CCDC88A: variants seen among roughly 807,000 people sequenced by gnomAD.
CCDC88A encodes the protein coiled-coil and HOOK domain protein 88A.
In CCDC88A, 54 loss-of-function variants were observed where a neutral mutation model predicts 234.3. The observed-to-expected ratio is 0.23, with a 90% CI of 0.19 to 0.29. The LOEUF is 0.29. Among genes scored for constraint, CCDC88A ranks in the 10% least tolerant of loss-of-function variants. The pLI is 1.00. For missense variants in CCDC88A, 1,832 were observed against 2,123.4 expected, an observed-to-expected ratio of 0.86 and a Z score of 2.70; for synonymous variants, 753 against 737.8, an observed-to-expected ratio of 1.02 and a Z score of -0.33.
intron 32 of CCDC88A, chr2:55,291,468 T>TA (rs1033731397): frequency 6.8e-4 from 230 of 339,078 alleles, no homozygotes; most frequent in African/African-American, 8.7e-4. Flanking sequence ...CAAAAAAACT[T>TA]AAAAAAAAAT....
chr2:55,358,714 T>C (rs6739731), intron 7 of CCDC88A, among the ~76,000 whole-genome samples: 5,258 of 152,202 alleles, frequency 0.035, 274 homozygotes, highest in African/African-American at 0.12. Flanking sequence ...CATTTCCATT[T>C]CTTTCTTCTT....
intron 12 of CCDC88A, among the ~76,000 whole-genome samples, chr2:55,342,543 G>C (rs1476232540): frequency 1.3e-5 from 2 of 152,100 alleles, no homozygotes; most frequent in Non-Finnish European, 1.5e-5. Flanking sequence ...ACCTTTAGTA[G>C]AAAACACTTA....
chr2:55,343,046 T>G (rs1187614092), intron 12 of CCDC88A, among the ~76,000 whole-genome samples: 1 of 152,098 alleles, frequency 6.6e-6, no homozygotes, highest in Non-Finnish European at 1.5e-5. Flanking sequence ...CATGCCCAGC[T>G]TTAAGAAAGA....
In CCDC88A at chr2:55,376,209, T is replaced by C. The variant is rs550558373; in HGVS notation, c.274-1326A>G. ...GATATGCAAAGGGTCTGGGATGAAT[T>C]AGACTACAGGATGGATGGGTGCCAT... On this transcript the variant is annotated intron_variant, in intron 3 of 32. Coordinates refer to ENST00000436346, the MANE Select transcript of CCDC88A (RefSeq NM_001365480.1). Among the ~76,000 whole-genome samples, 5 of 152,326 alleles carry C rather than the reference T, an allele frequency of 3.3e-5. No individual in the cohort carries two copies. The South Asian group carries it at 8.3e-4, about 25-fold the overall frequency.
chr2:55,306,872 G>C (rs771000269), intron 25 of CCDC88A, among the ~76,000 whole-genome samples: 1 of 152,128 alleles, frequency 6.6e-6, no homozygotes, highest in Non-Finnish European at 1.5e-5. Context: ...CACCGCGCCT[G>C]GCCTATAGCC....
In CCDC88A at chr2:55,334,350, G is replaced by T. The variant is rs1312345912; in HGVS notation, c.2471C>A (p.Thr824Asn). The change falls in exon 15 of 33, where the codon ACT becomes AAT. Residue 824 changes from threonine to asparagine, a missense_variant. This residue lies in a region of CCDC88A where 1,282 missense variants were observed against 1,543.6 expected (regional missense o/e 0.83). Coordinates refer to ENST00000436346, the MANE Select transcript of CCDC88A (RefSeq NM_001365480.1). This position sits in a 1 kb window ranked among gnomAD's most constrained non-coding sequence, Gnocchi z 6.1. ...EKENKSLEQETSQLEKDKKQL... is the reference protein window; with the variant it reads ...EKENKSLEQENSQLEKDKKQL... ...TTTCTTATCCTTTTCCAGTTGAGAA[G>T]TCTCTTGCTCTAATGATTTATTTTC... 6.5e-7 allele frequency: 1 copy of T among 1,529,120 alleles called. No homozygotes were observed. The highest frequency in any genetic ancestry group is 8.7e-7 in the Non-Finnish European group (1 of 1,146,754). 94.7% of individuals were successfully genotyped at this position (1,529,120 alleles called of 1,614,324 possible).
chr2:55,344,400 G>GT lies in CCDC88A; in HGVS notation c.1155dup (p.Gln386ThrfsTer5). The GT allele has an allele frequency of 6.3e-7, 1 of 1,593,610 alleles. No homozygotes were observed. The highest frequency in any genetic ancestry group is 8.6e-7 in the Non-Finnish European group (1 of 1,168,408). On this transcript the variant is annotated frameshift_variant, in exon 11 of 33. Transcript: ENST00000436346. LOFTEE classifies it high-confidence loss of function. ...ATATCATGAAGTTTAGCTTTCAGTT[G>GT]TAAGTTCTCTTTTTCTAATTCATGT... is the stretch of plus-strand genomic sequence containing the variant.
chr2:55,416,443 AATATATATATATAT>A (rs60840841), intron 2 of CCDC88A, among the ~76,000 whole-genome samples: 4 of 15,840 alleles, frequency 2.5e-4, no homozygotes, highest in East Asian at 2.7e-3. Context: ...TAAATAAATA[AATATATATATATAT>A]ATATATATAT....
At chr2:55,375,401 T>C (rs1673465865) in intron 3 of CCDC88A, among the ~76,000 whole-genome samples, 1 of 150,400 alleles carries the variant, frequency 6.6e-6, no homozygotes, top group African/African-American at 2.4e-5. Context: ...ATGTGTGCTC[T>C]TTTTCTTCTT....
At chr2:55,323,432 C>T (rs1024548358) in intron 17 of CCDC88A, 1 of 152,006 alleles carries the variant, frequency 6.6e-6, no homozygotes, top group African/African-American at 2.4e-5. Context: ...ATATTGCTAC[C>T]AATGAGTTAG....
intron 17 of CCDC88A, 72 bp from the exon 18 acceptor site, chr2:55,322,764 G>T: frequency 1.3e-6 from 1 of 771,896 alleles, no homozygotes; most frequent in Non-Finnish European, 2.0e-6. Flanking sequence ...CAATTAATTT[G>T]ACTCTGGGCT....
chr2:55,372,293 C>A (rs1302659805), intron 5 of CCDC88A, among the ~76,000 whole-genome samples, 159 bp downstream of exon 5: 1 of 151,846 alleles, frequency 6.6e-6, no homozygotes, highest in Non-Finnish European at 1.5e-5. Context: ...TGGTTTTTTT[C>A]AATGTAATCT....
chr2:55,349,819 G>A, intron 8 of CCDC88A: 1 of 431,108 alleles, frequency 2.3e-6, no homozygotes, highest in South Asian at 4.6e-5. Flanking sequence ...AAAGGCTAAT[G>A]TTCTCATAGT....
At position 55,328,240 on chromosome 2, in the gene CCDC88A, C is replaced by G; in HGVS notation, c.2997+54G>C. 7.9e-7 allele frequency: 1 copy of G among 1,265,364 alleles called. No individual in the cohort carries two copies. The highest frequency in any genetic ancestry group is 1.1e-6 in the Non-Finnish European group (1 of 923,334). 78.4% of individuals were successfully genotyped at this position (1,265,364 alleles called of 1,614,324 possible). ...ATTTTCTACTTTATATTTTTCTGTC[C>G]AAATATTTATATAATAAATGATCCT... On this transcript the variant is annotated intron_variant, in intron 17 of 32. Coordinates refer to ENST00000436346, the MANE Select transcript of CCDC88A (RefSeq NM_001365480.1). This position sits in a 1 kb window ranked among gnomAD's most constrained non-coding sequence, Gnocchi z 4.3.
At position 55,317,386 on chromosome 2, in the gene CCDC88A, CA is replaced by C. The variant is rs1558656581; in HGVS notation, c.3603-38del. The C allele has an allele frequency of 2.2e-6, 3 of 1,384,222 alleles. No individual in the cohort carries two copies. The highest frequency in any genetic ancestry group is 2.9e-6 in the Non-Finnish European group (3 of 1,048,652). The allele number at this position is 1,384,222 out of a possible 1,614,324, so 85.7% of individuals were successfully genotyped here. The stretch of plus-strand genomic sequence containing the variant: ...AAAGGCATTTGGTTTATAATATTTA[CA>C]AAAAAGAAATTTTAGAAATGAAGGA... On this transcript the variant is annotated intron_variant, in intron 20 of 32. Transcript: ENST00000436346. This position sits in a 1 kb window ranked among gnomAD's most constrained non-coding sequence, Gnocchi z 4.2.
chr2:55,401,657 AT>A (rs1678728839), intron 2 of CCDC88A, among the ~76,000 whole-genome samples: 1 of 151,194 alleles, frequency 6.6e-6, no homozygotes, highest in South Asian at 2.1e-4. Flanking sequence ...TTTCACATAT[AT>A]TAACTATCTT....
rs985049272 is a variant in CCDC88A at position 55,288,460 on chromosome 2, C to T, written c.*2740G>A. 2 of 152,618 alleles carry T rather than the reference C, an allele frequency of 1.3e-5. No individual in the cohort carries two copies. The highest frequency in any genetic ancestry group is 2.4e-5 in the African/African-American group (1 of 41,446). 9.5% of individuals were successfully genotyped at this position (152,618 alleles called of 1,614,324 possible). ...CCCCATTGTAATTCCAGATTTGGTA[C>T]AGTATCTTTTTCATTTCCTGACATA... is the stretch of plus-strand genomic sequence containing the variant. On this transcript the variant is annotated 3_prime_UTR_variant, in exon 33 of 33. Transcript: ENST00000436346.
intron 9 of CCDC88A, 145 bp from the exon 10 acceptor site, chr2:55,346,478 G>GGC: frequency 2.4e-6 from 1 of 412,370 alleles, no homozygotes; most frequent in Non-Finnish European, 4.1e-6. Context: ...GGAGTGCAAT[G>GGC]GTGCAATCTC....
intron 4 of CCDC88A, among the ~76,000 whole-genome samples, chr2:55,374,436 T>C (rs988037279): frequency 6.6e-6 from 1 of 152,118 alleles, no homozygotes; most frequent in Non-Finnish European, 1.5e-5. Context: ...ATTTTGGCAA[T>C]GGTAGATAGT....
Sources: allele counts gnomAD v4.1 joint callset (sites outside exome capture counted in the v4.1 genomes callset), GRCh38; gene constraint gnomAD v4.1.1; regional missense constraint gnomAD v4.1.1; non-coding constraint Gnocchi (gnomAD v3.1); transcripts MANE v1.5; gene names NCBI Gene and HGNC (gene_info 2026-07-23, HGNC 2026-07-21).